The following PYY variants were observed in gnomAD, a reference collection of about 807,000 sequenced individuals.
PYY encodes peptide tyrosine tyrosine.
Under a neutral mutation model 10.3 loss-of-function variants are expected in PYY, and 12 were observed. The ratio of observed to expected loss-of-function variants is 1.17; its 90% confidence interval spans 0.75 to 1.89. The LOEUF is 1.89. PYY is among the 40% of genes most tolerant of loss of function. PYY has a pLI of 0.00. For missense variants in PYY, 141 were observed against 134.0 expected (o/e 1.05, Z -0.26); for synonymous variants, 66 against 62.0 (o/e 1.06, Z -0.30).
At chr17:43,970,558 G>A (rs1442244539) in intron 1 of PYY, among the ~76,000 whole-genome samples, 1 of 151,908 alleles carries the variant, frequency 6.6e-6, no homozygotes, top group African/African-American at 2.4e-5. Flanking sequence ...CAGATAGCTA[G>A]GTCAATGGAA....
At chr17:43,988,055 A>C (rs2048926973) in intron 1 of PYY, among the ~76,000 whole-genome samples, 1 of 151,854 alleles carries the variant, frequency 6.6e-6, no homozygotes, top group African/African-American at 2.4e-5. Context: ...ACGCCATCCC[A>C]CTCATCCATC....
At chr17:44,002,582 C>T (rs1191119845) in intron 1 of PYY, among the ~76,000 whole-genome samples, 1 of 152,232 alleles carries the variant, frequency 6.6e-6, no homozygotes, top group African/African-American at 2.4e-5. Context: ...CACATGGACA[C>T]AGTATGAAGT....
intron 1 of PYY, among the ~76,000 whole-genome samples, chr17:43,999,059 C>T (rs1483391837): frequency 1.3e-5 from 2 of 152,058 alleles, no homozygotes; most frequent in Non-Finnish European, 2.9e-5. Flanking sequence ...AAGGCCTGAG[C>T]TCTGTGGTTC....
chr17:43,979,233 C>T (rs1402914076), intron 1 of PYY, among the ~76,000 whole-genome samples: 2 of 152,220 alleles, frequency 1.3e-5, no homozygotes, highest in Non-Finnish European at 2.9e-5. Flanking sequence ...AGGCCCCATC[C>T]CGAACCTACT....
chr17:43,999,145 AG>A (rs1202691606), intron 1 of PYY, among the ~76,000 whole-genome samples: 1 of 152,010 alleles, frequency 6.6e-6, no homozygotes, highest in Non-Finnish European at 1.5e-5. Context: ...GGCCAGGTGA[AG>A]GGGGTATCGA....
chr17:43,957,081 C>T (rs1257026282), upstream of PYY, among the ~76,000 whole-genome samples: 2 of 151,612 alleles, frequency 1.3e-5, no homozygotes, highest in African/African-American at 4.8e-5. Context: ...GCCTGTAGTC[C>T]CAGCTACTCT....
At chr17:43,966,900 G>A (rs1256769212) in intron 1 of PYY, among the ~76,000 whole-genome samples, 4 of 152,126 alleles carry the variant, frequency 2.6e-5, no homozygotes, top group Non-Finnish European at 4.4e-5. Flanking sequence ...TTACACACAG[G>A]CACATACATA....
rs372294798 is a variant in PYY, at chr17:43,998,836, C to A, written c.-463+5555G>T. ...ATTTGGCCACAGCATGGGGGAATGG[C>A]GCTCTGATTTAGATGCCTGGAATGT... On this transcript the variant is annotated intron_variant, in intron 1 of 6. Coordinates refer to the PYY transcript ENST00000360085. Among the ~76,000 whole-genome samples, 63 of 152,254 alleles carry A rather than the reference C, an allele frequency of 4.1e-4. 1 individual carries two copies. In the South Asian group the frequency reaches 0.013, roughly 32 times the overall value.
At chr17:43,980,529 T>C (rs561165580) in intron 1 of PYY, among the ~76,000 whole-genome samples, 10 of 151,830 alleles carry the variant, frequency 6.6e-5, no homozygotes, top group African/African-American at 2.4e-4. Flanking sequence ...GGCTGGAGCG[T>C]AGTAGCGCAA....
chr17:43,963,697 G>A (rs1054452704), intron 2 of PYY, among the ~76,000 whole-genome samples: 5 of 152,088 alleles, frequency 3.3e-5, no homozygotes, highest in African/African-American at 1.2e-4. Flanking sequence ...CAGGTGCAGT[G>A]GCTCACGCCT....
intron 2 of PYY, among the ~76,000 whole-genome samples, chr17:43,960,106 C>T (rs1170918909): frequency 6.6e-6 from 1 of 152,186 alleles, no homozygotes; most frequent in East Asian, 1.9e-4. Flanking sequence ...TACCAAATAG[C>T]GGTAGCTTAA....
chr17:43,967,917 G>A (rs527914295), intron 1 of PYY, among the ~76,000 whole-genome samples: 1 of 152,260 alleles, frequency 6.6e-6, no homozygotes, highest in South Asian at 2.1e-4. Flanking sequence ...TGCTCGTTCT[G>A]CCTCGAGGAG....
rs752834121 is a variant in PYY, at chr17:43,953,345, G to C, written c.139C>G (p.Arg47Gly). The C allele has an allele frequency of 3.1e-6, 5 of 1,612,640 alleles. No individual in the cohort carries two copies. The highest frequency in any genetic ancestry group is 2.2e-5 in the East Asian group (1 of 44,810). Residue 47 changes from arginine to glycine, a missense_variant, in exon 2 of 4, where the codon CGC becomes GGC. By Grantham distance (125) the Arg-to-Gly change is moderately radical (BLOSUM62 -2). Transcript: ENST00000692052. Reference sequence around the variant, plus strand: ...TAGTGGCGCAGGGAGGCGTAGTAGCGGTTCAGCTCCTCCGGCGAGGCGTCT... The same window carrying C: ...TAGTGGCGCAGGGAGGCGTAGTAGCCGTTCAGCTCCTCCGGCGAGGCGTCT... ...REDASPEELNRYYASLRHYLN... is the reference protein window; with the variant it reads ...REDASPEELNGYYASLRHYLN...
chr17:43,960,265 G>A (rs964641315), intron 2 of PYY, among the ~76,000 whole-genome samples: 2 of 152,098 alleles, frequency 1.3e-5, no homozygotes, highest in Admixed American at 6.6e-5. Context: ...ATGTTTGGCC[G>A]GGCGCGGTAG....
At chr17:43,982,083 A>G (rs1024134849) in intron 1 of PYY, among the ~76,000 whole-genome samples, 3 of 152,150 alleles carry the variant, frequency 2.0e-5, no homozygotes, top group African/African-American at 7.2e-5. Flanking sequence ...TTCATGGACA[A>G]CTTCTTAGCT....
intron 1 of PYY, among the ~76,000 whole-genome samples, chr17:43,978,623 A>G (rs2048864132): frequency 6.6e-6 from 1 of 152,188 alleles, no homozygotes; most frequent in South Asian, 2.1e-4. Flanking sequence ...TGTAATTCCC[A>G]AAACAGGCTA....
upstream of PYY, among the ~76,000 whole-genome samples, chr17:43,956,422 C>CCG (rs2048672706): frequency 6.6e-6 from 1 of 151,952 alleles, no homozygotes; most frequent in East Asian, 1.9e-4. Flanking sequence ...TCAGCCACCC[C>CCG]CCGATCCACA....
intron 1 of PYY, among the ~76,000 whole-genome samples, chr17:43,972,794 G>A (rs899857020): frequency 5.3e-5 from 8 of 151,874 alleles, no homozygotes; most frequent in Non-Finnish European, 1.0e-4. Context: ...TCGGTTCACC[G>A]CAACCTCCGC....
intron 1 of PYY, among the ~76,000 whole-genome samples, chr17:44,003,785 A>G: frequency 1.3e-5 from 2 of 151,990 alleles, no homozygotes; most frequent in East Asian, 3.9e-4. Flanking sequence ...GAGTTCACGA[A>G]CAGTCTGGGC....
Sources: gnomAD v4.1 joint callset for allele counts (sites outside exome capture counted in the v4.1 genomes callset) on GRCh38, gnomAD v4.1.1 for gene constraint, MANE v1.5 for transcripts, NCBI Gene and HGNC (gene_info 2026-07-23, HGNC 2026-07-21) for gene names.